DIP2B: variants seen among roughly 807,000 people sequenced by gnomAD.
DIP2B encodes the protein disco-interacting protein 2 homolog B.
DIP2B carries 76 observed loss-of-function variants against 198.0 expected under a neutral mutation model. That is an observed-to-expected ratio of 0.38 (90% CI 0.32 to 0.46). The LOEUF is 0.46. Ranked by LOEUF, DIP2B falls within the 20% of genes least tolerant of loss-of-function variation. The pLI, the probability that DIP2B is intolerant of heterozygous loss-of-function variation, is 0.99. For synonymous variants in DIP2B, 701 were observed against 739.1 expected (o/e 0.95, Z 0.84); for missense variants, 1,559 against 1,978.4 (o/e 0.79, Z 4.02).
intron 35 of DIP2B, among the ~76,000 whole-genome samples, chr12:50,738,893 CTG>C (rs1360653478): frequency 1.3e-5 from 2 of 152,254 alleles, no homozygotes; most frequent in Non-Finnish European, 2.9e-5. Flanking sequence ...GGAACAGTGT[CTG>C]TCACATAATG....
intron 1 of DIP2B, among the ~76,000 whole-genome samples, chr12:50,566,589 A>C (rs1958565254): frequency 6.6e-6 from 1 of 152,052 alleles, no homozygotes; most frequent in Non-Finnish European, 1.5e-5. Flanking sequence ...CTGTGGTTCC[A>C]GTGACATGAA....
intron 2 of DIP2B, among the ~76,000 whole-genome samples, chr12:50,637,189 A>G (rs116323896): frequency 0.013 from 2,026 of 152,246 alleles, 49 homozygotes; most frequent in African/African-American, 0.046. Context: ...TATCTATCAC[A>G]TGGTGCTGTT....
At chr12:50,505,369 C>A in intron 1 of DIP2B, 129 bp downstream of exon 1, 1 of 683,338 alleles carries the variant, frequency 1.5e-6, no homozygotes. Flanking sequence ...CCTGGCCTGG[C>A]GCTCCACGAC....
At chr12:50,603,400 T>A (rs1036182622) in intron 1 of DIP2B, among the ~76,000 whole-genome samples, 5 of 152,116 alleles carry the variant, frequency 3.3e-5, no homozygotes, top group African/African-American at 1.2e-4. Flanking sequence ...GTCTTAATCT[T>A]ACTGCCTAGG....
intron 1 of DIP2B, among the ~76,000 whole-genome samples, chr12:50,533,142 A>T (rs1323562745): frequency 6.6e-6 from 1 of 152,244 alleles, no homozygotes; most frequent in Non-Finnish European, 1.5e-5. Flanking sequence ...CATAGAATTA[A>T]TTTAAAGAAT....
At chr12:50,625,696 G>C (rs1394487754) in intron 1 of DIP2B, among the ~76,000 whole-genome samples, 6 of 152,114 alleles carry the variant, frequency 3.9e-5, no homozygotes, top group African/African-American at 1.4e-4. Flanking sequence ...AGGAAGCTGG[G>C]GATGCCTAGG....
In DIP2B at chr12:50,727,914, G is replaced by A. The variant is rs761676916; in HGVS notation, c.3510+102G>A. 5.5e-5 allele frequency: 51 copies of A among 919,338 alleles called. 1 individual carries two copies. Among genetic ancestry groups the A allele is most frequent in the South Asian group, 1.9e-4 (13 of 68,526 alleles). 56.9% of individuals were successfully genotyped at this position (919,338 alleles called of 1,614,324 possible). ...AGGCCAAGTGGTTGTACCAGAGACC[G>A]GTAGGCAGAGTGAAGATCTAAGTCG... On this transcript the variant is annotated intron_variant, in intron 29 of 37. Coordinates refer to ENST00000301180, the MANE Select transcript of DIP2B (RefSeq NM_173602.3).
At chr12:50,698,934 A>G in intron 18 of DIP2B, 132 bp from the exon 19 acceptor site, 8 of 957,432 alleles carry the variant, frequency 8.4e-6, no homozygotes, top group Non-Finnish European at 7.7e-6. Flanking sequence ...TATGTTTAGC[A>G]TTCCTGTCTG....
In DIP2B at chr12:50,623,423, ACACACACACACACACTCTCTCTCT is replaced by A. The variant is rs1211647231; in HGVS notation, c.101-2551_101-2528del. On this transcript the variant is annotated intron_variant, in intron 1 of 37. Transcript: ENST00000301180. ...CACACACACACACACACACACACAC[ACACACACACACACACTCTCTCTCT>A]CTCTCTCTCTCTCTCTCTCTCTCAC... 9.6e-3 allele frequency among the ~76,000 whole-genome samples: 1,080 copies of A among 112,508 alleles called. 9 individuals carry two copies. The highest frequency in any genetic ancestry group is 0.03 in the African/African-American group (806 of 26,878). The allele number at this position is 112,508 out of a possible 152,430, so 73.8% of individuals were successfully genotyped here.
chr12:50,741,438 G>C lies in DIP2B; in HGVS notation c.4377G>C (p.Val1459=), dbSNP rs761219161. 8.1e-6 allele frequency: 13 copies of C among 1,613,874 alleles called. No homozygotes were observed. The highest frequency in any genetic ancestry group is 2.7e-5 in the African/African-American group (2 of 74,914). The part of the protein sequence containing the change: ...ATGERHDALY[V]VGALDETLEL... ...CAGAGCGTCATGATGCATTGTATGT[G>C]GTGGGAGCGCTGGATGAAACACTGG... Residue 1459 remains valine (V), a synonymous_variant, in exon 37 of 38, where the codon GTG becomes GTC. Coordinates refer to ENST00000301180, the MANE Select transcript of DIP2B (RefSeq NM_173602.3).
intron 1 of DIP2B, among the ~76,000 whole-genome samples, chr12:50,578,302 C>G (rs10876063): frequency 6.6e-6 from 1 of 151,792 alleles, no homozygotes; most frequent in East Asian, 1.9e-4. Flanking sequence ...CCACTGTGGC[C>G]GGCCTTGTTT....
chr12:50,724,452 C>T (rs1939894704), intron 27 of DIP2B, among the ~76,000 whole-genome samples: 1 of 152,198 alleles, frequency 6.6e-6, no homozygotes, highest in South Asian at 2.1e-4. Flanking sequence ...ACAAAACCCA[C>T]ATCTTTATTT....
chr12:50,672,943 A>G (rs1938879709), intron 5 of DIP2B, among the ~76,000 whole-genome samples: 1 of 152,156 alleles, frequency 6.6e-6, no homozygotes, highest in Non-Finnish European at 1.5e-5. Flanking sequence ...AATATACACT[A>G]TTGTGTGACT....
In DIP2B at chr12:50,697,533, C is replaced by CTTTTTTT. The variant is rs11306905; in HGVS notation, c.2048+379_2048+385dup. Among the ~76,000 whole-genome samples, 19 of 45,958 alleles carry CTTTTTTT rather than the reference C, an allele frequency of 4.1e-4. 4 individuals carry two copies. Among genetic ancestry groups the CTTTTTTT allele is most frequent in the South Asian group, 1.2e-3 (1 of 844 alleles). 30.2% of individuals were successfully genotyped at this position (45,958 alleles called of 152,430 possible). ...ATGTGTGTGTGTGTATATAGATATACTTTTTTTTTTTTTTTTTTTTTTTTT... is the reference window on the plus strand; with the variant it reads ...ATGTGTGTGTGTGTATATAGATATACTTTTTTTTTTTTTTTTTTTTTTTTTTTTTTTT... On this transcript the variant is annotated intron_variant, in intron 17 of 37. Coordinates refer to ENST00000301180, the MANE Select transcript of DIP2B (RefSeq NM_173602.3).
intron 3 of DIP2B, among the ~76,000 whole-genome samples, chr12:50,648,665 C>T (rs150739040): frequency 0.084 from 466 of 5,568 alleles, 41 homozygotes; most frequent in East Asian, 0.19. Flanking sequence ...GCCCAGCCCC[C>T]TTTTTTTTTT....
intron 1 of DIP2B, among the ~76,000 whole-genome samples, chr12:50,528,150 C>T (rs1958184248): frequency 6.6e-6 from 1 of 151,722 alleles, no homozygotes; most frequent in African/African-American, 2.4e-5. Context: ...TGGTCTTGAA[C>T]TCTTGGACTC....
chr12:50,602,115 A>G (rs1230646994), intron 1 of DIP2B, among the ~76,000 whole-genome samples: 1 of 152,224 alleles, frequency 6.6e-6, no homozygotes, highest in Non-Finnish European at 1.5e-5. Context: ...TTGTATATTA[A>G]TGTACTGAAG....
At chr12:50,582,589 A>G (rs1044778241) in intron 1 of DIP2B, among the ~76,000 whole-genome samples, 1 of 152,032 alleles carries the variant, frequency 6.6e-6, no homozygotes, top group Non-Finnish European at 1.5e-5. Flanking sequence ...TTTTGTTTTT[A>G]CCCTTTTTAA....
intron 19 of DIP2B, among the ~76,000 whole-genome samples, chr12:50,703,849 AG>A: frequency 6.6e-6 from 1 of 151,812 alleles, no homozygotes; most frequent in Non-Finnish European, 1.5e-5. Flanking sequence ...TGGAAAAGCA[AG>A]TTGCAAAAAG....
Sources: gnomAD v4.1 joint callset for allele counts (sites outside exome capture counted in the v4.1 genomes callset) on GRCh38, gnomAD v4.1.1 for gene constraint, MANE v1.5 for transcripts, NCBI Gene and HGNC (gene_info 2026-07-23, HGNC 2026-07-21) for gene names.